Variants in ZEB2 observed in about 807,000 individuals in gnomAD.
ZEB2 encodes zinc finger E-box binding homeobox 2, also known as zinc finger E-box-binding homeobox 2.
Under a neutral mutation model 99.9 loss-of-function variants are expected in ZEB2, and 6 were observed. That is an observed-to-expected ratio of 0.06 (90% CI 0.03 to 0.12). The LOEUF (loss-of-function observed/expected upper bound fraction) is 0.12, where lower values mean the gene tolerates loss of function less well. Among genes scored for constraint, ZEB2 ranks in the 10% least tolerant of loss-of-function variants. The probability of loss-of-function intolerance (pLI) is 1.00; values close to 1 mark genes in which losing one functional copy is unlikely to be tolerated. For synonymous variants in ZEB2, 517 were observed against 542.5 expected, an observed-to-expected ratio of 0.95 and a Z score of 0.65; for missense variants, 969 against 1,502.8, an observed-to-expected ratio of 0.64 and a Z score of 5.87.
intron 4 of ZEB2, among the ~76,000 whole-genome samples, chr2:144,414,672 A>G (rs761951350): frequency 2.0e-5 from 3 of 152,198 alleles, no homozygotes; most frequent in Non-Finnish European, 4.4e-5. Context: ...TTGCACAAGT[A>G]ATTTCTGGAA....
chr2:144,509,779 C>T (rs1281107994), intron 2 of ZEB2, among the ~76,000 whole-genome samples: 1 of 152,182 alleles, frequency 6.6e-6, no homozygotes, highest in East Asian at 1.9e-4. Flanking sequence ...CGAGAGGTTT[C>T]TGCTCTTGCT....
intron 3 of ZEB2, 49 bp from the exon 4 acceptor site, chr2:144,424,916 C>T (rs565244719): frequency 6.3e-7 from 1 of 1,582,156 alleles, no homozygotes; most frequent in East Asian, 2.2e-5. Context: ...GAAAGGCTTA[C>T]TATACTAAGC....
At chr2:144,509,675 G>A (rs965190) in intron 2 of ZEB2, among the ~76,000 whole-genome samples, 3,358 of 152,168 alleles carry the variant, frequency 0.022, 57 homozygotes, top group South Asian at 0.047. Context: ...TAATTGTTGG[G>A]AGAAAATTAT....
At chr2:144,456,117 G>T (rs966562203) in intron 2 of ZEB2, among the ~76,000 whole-genome samples, 11 of 146,122 alleles carry the variant, frequency 7.5e-5, no homozygotes, top group Non-Finnish European at 1.5e-4. Context: ...TTGTTCCATT[G>T]TTTTTTTTTT....
intron 2 of ZEB2, among the ~76,000 whole-genome samples, chr2:144,432,362 C>T (rs1208027291): frequency 6.6e-6 from 1 of 152,170 alleles, no homozygotes; most frequent in African/African-American, 2.4e-5. Flanking sequence ...TTTTCTAGCG[C>T]TGTGTTAACT....
chr2:144,517,355 A>C lies in ZEB2; in HGVS notation c.-5T>G. 6.2e-7 allele frequency: 1 copy of C among 1,613,576 alleles called. No individual in the cohort carries two copies. On this transcript the variant is annotated 5_prime_UTR_variant, in exon 2 of 10. Transcript: ENST00000627532. ...CGCCATGATCGGCTGCTTCATTGAT[A>C]AGAGCGGATCAGATGGCAGTTCGCA... is the stretch of plus-strand genomic sequence containing the variant.
chr2:144,399,567 G>A lies in ZEB2; in HGVS notation c.1620C>T (p.Leu540=). 2 of 1,614,108 alleles carry A rather than the reference G, an allele frequency of 1.2e-6. No individual in the cohort carries two copies. The highest frequency in any genetic ancestry group is 1.7e-6 in the Non-Finnish European group (2 of 1,180,010). ...LEKVNEAKAC[L]QSLTTDSRRQ... is the part of the protein sequence containing the mutation. ...TCCTTGAGTCAGTAGTCAAGCTCTG[G>A]AGGCAAGCTTTGGCTTCATTGACTT... is the stretch of plus-strand genomic sequence containing the variant. Residue 540 remains leucine, a synonymous_variant, in exon 8 of 10, where the codon CTC becomes CTT. Coordinates refer to ENST00000627532, the MANE Select transcript of ZEB2 (RefSeq NM_014795.4). The surrounding 1 kb of genome is among the most constrained non-coding windows in gnomAD (Gnocchi z 5.6).
intron 2 of ZEB2, chr2:144,512,092 C>A (rs1352753070): frequency 7.8e-7 from 1 of 1,287,162 alleles, no homozygotes; most frequent in South Asian, 1.2e-5. Context: ...ATGAATGGTA[C>A]AGTGGACACC....
chr2:144,404,407 G>A (rs1256820126), intron 5 of ZEB2, among the ~76,000 whole-genome samples: 4 of 150,736 alleles, frequency 2.7e-5, no homozygotes, highest in Non-Finnish European at 3.0e-5. Context: ...GATAAATGAG[G>A]AAATTCTCTT....
At chr2:144,479,675 C>CTTTTTTT (rs77727562) in intron 2 of ZEB2, among the ~76,000 whole-genome samples, 1 of 22,372 alleles carries the variant, frequency 4.5e-5, no homozygotes, top group African/African-American at 1.5e-4. Flanking sequence ...GTGTATGCTA[C>CTTTTTTT]TTTTTTTTGG....
chr2:144,443,158 TAAA>T (rs997698143), intron 2 of ZEB2, among the ~76,000 whole-genome samples: 1 of 152,044 alleles, frequency 6.6e-6, no homozygotes, highest in African/African-American at 2.4e-5. Flanking sequence ...AAATAAGAGT[TAAA>T]AAAGTATTTT....
intron 2 of ZEB2, among the ~76,000 whole-genome samples, chr2:144,488,000 G>C (rs549001637): frequency 6.6e-6 from 1 of 152,232 alleles, no homozygotes; most frequent in East Asian, 1.9e-4. Flanking sequence ...TAATTCAATG[G>C]GGGTATCTGA....
chr2:144,434,610 A>G (rs1011615798), intron 2 of ZEB2, among the ~76,000 whole-genome samples: 1 of 152,228 alleles, frequency 6.6e-6, no homozygotes, highest in Non-Finnish European at 1.5e-5. Context: ...TGACCAGAGT[A>G]AGGGATGGAA....
At chr2:144,390,105 C>G in intron 9 of ZEB2, 77 bp from the exon 10 acceptor site, 1 of 1,451,276 alleles carries the variant, frequency 6.9e-7, no homozygotes. Context: ...GTACGCGAGT[C>G]CAGACTCAGG....
intron 2 of ZEB2, among the ~76,000 whole-genome samples, chr2:144,439,059 C>A (rs1202088388): frequency 6.6e-6 from 1 of 150,434 alleles, no homozygotes; most frequent in Admixed American, 6.7e-5. Context: ...TCATGAGGCA[C>A]TGACTACAGC....
At chr2:144,439,713 A>T (rs1210721655) in intron 2 of ZEB2, among the ~76,000 whole-genome samples, 2 of 152,242 alleles carry the variant, frequency 1.3e-5, no homozygotes, top group African/African-American at 4.8e-5. Context: ...TTCAGAAAAT[A>T]GGAGCCTTTT....
intron 2 of ZEB2, among the ~76,000 whole-genome samples, chr2:144,515,688 C>A (rs1030772322): frequency 1.1e-4 from 16 of 151,740 alleles, no homozygotes; most frequent in African/African-American, 3.9e-4. Flanking sequence ...ACGTAACGAA[C>A]AGTTTCTGAC....
At chr2:144,438,615 T>C (rs540505927) in intron 2 of ZEB2, among the ~76,000 whole-genome samples, 2 of 152,092 alleles carry the variant, frequency 1.3e-5, no homozygotes, top group Admixed American at 1.3e-4. Context: ...CCCAAAGAAA[T>C]GCCTGAAAGG....
At chr2:144,411,057 C>CTATA (rs4008310) in intron 4 of ZEB2, among the ~76,000 whole-genome samples, 813 of 40,698 alleles carry the variant, frequency 0.02, 16 homozygotes, top group Middle Eastern at 0.045. Context: ...ACAGACATGT[C>CTATA]TATATATATA....
Sources: gnomAD v4.1 joint callset for allele counts (sites outside exome capture counted in the v4.1 genomes callset) on GRCh38, gnomAD v4.1.1 for gene constraint, Gnocchi (gnomAD v3.1) non-coding constraint, MANE v1.5 for transcripts, NCBI Gene and HGNC (gene_info 2026-07-23, HGNC 2026-07-21) for gene names.